FMN1: variants seen among roughly 807,000 people sequenced by gnomAD.
FMN1 encodes formin 1.
FMN1 carries 110 observed loss-of-function variants against 132.4 expected under a neutral mutation model. That is an observed-to-expected ratio of 0.83 (90% CI 0.71 to 0.97). The LOEUF (loss-of-function observed/expected upper bound fraction) is 0.97, where lower values mean the gene tolerates loss of function less well. Among genes scored for constraint, FMN1 ranks in the 50% least tolerant of loss-of-function variants. The pLI is 0.00. For missense variants in FMN1, 1,792 were observed against 1,705.3 expected (o/e 1.05, Z -0.90); for synonymous variants, 722 against 651.7 (o/e 1.11, Z -1.64).
intron 16 of FMN1, 82 bp downstream of exon 16, chr15:32,888,090 A>T (rs1256224272): frequency 8.0e-7 from 1 of 1,252,912 alleles, no homozygotes; most frequent in Non-Finnish European, 1.1e-6. Context: ...CCACTCTATG[A>T]ACCAGACCTA....
intron 19 of FMN1, among the ~76,000 whole-genome samples, chr15:32,790,530 G>A (rs79195604): frequency 0.088 from 13,359 of 152,186 alleles, 1,024 homozygotes; most frequent in East Asian, 0.42. Context: ...CTACACTCTG[G>A]TATTCTGATT....
At chr15:33,012,254 T>G in intron 6 of FMN1, 17 of 701,112 alleles carry the variant, frequency 2.4e-5, no homozygotes, top group South Asian at 2.2e-4. Flanking sequence ...AACTGTGTGG[T>G]AATGAGATCC....
At chr15:32,831,744 CTTTT>C (rs200268378) in intron 17 of FMN1, among the ~76,000 whole-genome samples, 1 of 141,244 alleles carries the variant, frequency 7.1e-6, no homozygotes, top group Non-Finnish European at 1.5e-5. Context: ...AGAATGCAGC[CTTTT>C]TTTTTTTTTT....
chr15:32,863,430 T>C (rs1381287265), intron 16 of FMN1, among the ~76,000 whole-genome samples: 3 of 152,128 alleles, frequency 2.0e-5, no homozygotes, highest in Non-Finnish European at 2.9e-5. Context: ...CGAGACTCCA[T>C]CTCAAAATAA....
chr15:32,805,574 T>C (rs1471591128), intron 17 of FMN1, among the ~76,000 whole-genome samples: 1 of 152,190 alleles, frequency 6.6e-6, no homozygotes, highest in East Asian at 1.9e-4. Context: ...GAAGTCTTGA[T>C]AACAGACATA....
chr15:32,984,716 G>A lies in FMN1; in HGVS notation c.2224-15239C>T, dbSNP rs7178115. Among the ~76,000 whole-genome samples, 838 of 152,196 alleles carry A rather than the reference G, an allele frequency of 5.5e-3. 5 individuals are homozygous for A. The highest frequency in any genetic ancestry group is 0.018 in the African/African-American group (765 of 41,536). On this transcript the variant is annotated intron_variant, in intron 7 of 20. Coordinates refer to ENST00000616417, the MANE Select transcript of FMN1 (RefSeq NM_001277313.2). ...GATGGTGGTGGCCTTAGAGAAAAGC[G>A]TGAACACATTGTGGCTAAGTGAAAT...
At chr15:33,178,070 A>G (rs965167061) in intron 3 of FMN1, among the ~76,000 whole-genome samples, 7 of 152,212 alleles carry the variant, frequency 4.6e-5, no homozygotes, top group Admixed American at 2.6e-4. Flanking sequence ...ATCCTTCATC[A>G]GGAATATGAA....
intron 9 of FMN1, among the ~76,000 whole-genome samples, chr15:32,929,363 CCT>C (rs2061046060): frequency 6.6e-6 from 1 of 152,180 alleles, no homozygotes; most frequent in South Asian, 2.1e-4. Context: ...TGTCCTAAAT[CCT>C]CTTAGTCTCT....
intron 4 of FMN1, among the ~76,000 whole-genome samples, chr15:33,128,846 A>C (rs1473544711): frequency 6.6e-6 from 1 of 152,242 alleles, no homozygotes; most frequent in Non-Finnish European, 1.5e-5. Flanking sequence ...GCGGAAGACA[A>C]CCGGAGCAGA....
At chr15:32,891,625 C>T (rs1043170228) in intron 15 of FMN1, among the ~76,000 whole-genome samples, 4 of 152,026 alleles carry the variant, frequency 2.6e-5, no homozygotes, top group African/African-American at 9.7e-5. Context: ...GCAGTATGGT[C>T]ATTTTCACAA....
intron 6 of FMN1, among the ~76,000 whole-genome samples, chr15:33,016,278 C>T (rs1221608557): frequency 6.6e-6 from 1 of 152,164 alleles, no homozygotes; most frequent in African/African-American, 2.4e-5. Flanking sequence ...GCTTCTCTGA[C>T]CATTTCTAAC....
chr15:32,814,278 A>C (rs1023163581), intron 17 of FMN1, among the ~76,000 whole-genome samples: 4 of 152,246 alleles, frequency 2.6e-5, no homozygotes, highest in African/African-American at 9.6e-5. Flanking sequence ...AGATATTTCT[A>C]AACAAGCATA....
At chr15:32,777,616 AACACATTTATATATTACGTATAACATAAC>A (rs2056480935) in intron 19 of FMN1, among the ~76,000 whole-genome samples, 1 of 103,618 alleles carries the variant, frequency 9.7e-6, no homozygotes, top group African/African-American at 4.1e-5. Context: ...CGTATAACAT[AACACATTTATATATTACGTATAACATAAC>A]ACATTTATAT....
Position 32,769,018 on chromosome 15 carries a change from G to C in FMN1, c.*5292C>G, listed in dbSNP as rs1227719045. The C allele has an allele frequency of 6.6e-6, 1 of 151,026 alleles. No individual in the cohort carries two copies. Among genetic ancestry groups the C allele is most frequent in the East Asian group, 1.9e-4 (1 of 5,140 alleles). The allele number at this position is 151,026 out of a possible 1,614,324, so 9.4% of individuals were successfully genotyped here. ...ATGGCCCTGGTTATCACCATAGTTA[G>C]GAGAAGGGCTGGGGATAGAGGAGGA... is the stretch of plus-strand genomic sequence containing the variant. On this transcript the variant is annotated 3_prime_UTR_variant, in exon 21 of 21. Transcript: ENST00000616417.
chr15:33,048,210 G>A (rs2036780802), intron 6 of FMN1, among the ~76,000 whole-genome samples: 1 of 152,118 alleles, frequency 6.6e-6, no homozygotes, highest in South Asian at 2.1e-4. Flanking sequence ...TGCTTCTTCA[G>A]CTTTTGAAAA....
At chr15:32,827,888 T>G (rs951816480) in intron 17 of FMN1, among the ~76,000 whole-genome samples, 7 of 151,480 alleles carry the variant, frequency 4.6e-5, no homozygotes, top group African/African-American at 1.7e-4. Flanking sequence ...CTCTCCTTTA[T>G]AGCAGAGGTC....
At chr15:32,827,595 A>G (rs902470610) in intron 17 of FMN1, among the ~76,000 whole-genome samples, 1 of 152,214 alleles carries the variant, frequency 6.6e-6, no homozygotes, top group Non-Finnish European at 1.5e-5. Context: ...TCATGCCTGT[A>G]ATCCCAGCAC....
At chr15:33,070,302 G>A (rs1378656354) in intron 5 of FMN1, among the ~76,000 whole-genome samples, 1 of 151,512 alleles carries the variant, frequency 6.6e-6, no homozygotes, top group Non-Finnish European at 1.5e-5. Flanking sequence ...ACCGCGCCCG[G>A]CCTAAGATCA....
Position 32,798,937 on chromosome 15 carries a change from G to A in FMN1, c.3997C>T (p.Arg1333Ter), listed in dbSNP as rs1189166915. 7 of 1,612,978 alleles carry A rather than the reference G, an allele frequency of 4.3e-6. No individual in the cohort carries two copies. The highest frequency in any genetic ancestry group is 2.7e-5 in the African/African-American group (2 of 74,818). The part of the protein sequence containing the change: ...NAQKSFETTV[R>*]YFGMKPKSGE... ...GACTTTGGCTTCATCCCAAAATATC[G>A]TACTGTTGTTTCAAAACTGCAACAG... Residue 1333 changes from arginine (R) to a stop codon, truncating the protein, a stop_gained, in exon 19 of 21, where the codon CGA becomes TGA. Coordinates refer to ENST00000616417, the MANE Select transcript of FMN1 (RefSeq NM_001277313.2). LOFTEE classifies it high-confidence loss of function.
Sources: gnomAD v4.1 joint callset for allele counts (sites outside exome capture counted in the v4.1 genomes callset) on GRCh38, gnomAD v4.1.1 for gene constraint, MANE v1.5 for transcripts, NCBI Gene and HGNC (gene_info 2026-07-23, HGNC 2026-07-21) for gene names.